Variants in DNAH11 observed in about 807,000 individuals in gnomAD.
DNAH11 encodes axonemal beta dynein heavy chain 11.
A neutral mutation model predicts 526.0 loss-of-function variants in DNAH11; 442 were observed. That is an observed-to-expected ratio of 0.84 (90% CI 0.78 to 0.91). DNAH11 has a LOEUF of 0.91. Ranked by LOEUF, DNAH11 falls within the 40% of genes least tolerant of loss-of-function variation. The probability of loss-of-function intolerance (pLI) is 0.00; values close to 1 mark genes in which losing one functional copy is unlikely to be tolerated. For missense variants in DNAH11, 6,989 were observed against 5,448.7 expected (o/e 1.28, Z -8.90); for synonymous variants, 2,461 against 1,935.9 (o/e 1.27, Z -7.12).
At chr7:21,610,470 G>T (rs566002429) in intron 20 of DNAH11, among the ~76,000 whole-genome samples, 2 of 152,182 alleles carry the variant, frequency 1.3e-5, no homozygotes, top group South Asian at 2.1e-4. Flanking sequence ...TCTTTAGGGG[G>T]TCCAACAGAT....
At chr7:21,615,340 C>A in intron 21 of DNAH11, 68 bp downstream of exon 21, 2 of 1,530,636 alleles carry the variant, frequency 1.3e-6, no homozygotes, top group Admixed American at 2.0e-5. Context: ...TTTGTGGAGC[C>A]TATATTATTC....
chr7:21,707,928 T>TA (rs1784332550), intron 40 of DNAH11, 93 bp downstream of exon 40: 1 of 1,336,516 alleles, frequency 7.5e-7, no homozygotes. Context: ...GTCGCAGACT[T>TA]ACTGTTTATG....
chr7:21,663,910 C>A (rs139757673), intron 30 of DNAH11, among the ~76,000 whole-genome samples: 38 of 152,086 alleles, frequency 2.5e-4, no homozygotes, highest in African/African-American at 8.7e-4. Flanking sequence ...GTCTCTTCAA[C>A]GTACTGATTT....
At chr7:21,809,911 A>G (rs1036129247) in intron 63 of DNAH11, among the ~76,000 whole-genome samples, 2 of 152,154 alleles carry the variant, frequency 1.3e-5, no homozygotes, top group Non-Finnish European at 2.9e-5. Flanking sequence ...AGTTTTTCTT[A>G]TTTTAGTGAT....
intron 24 of DNAH11, 84 bp downstream of exon 24, chr7:21,619,306 A>G: frequency 6.7e-7 from 1 of 1,486,498 alleles, no homozygotes; most frequent in Non-Finnish European, 9.1e-7. Context: ...AGTCCTTTTG[A>G]TGTCCTGGGA....
intron 68 of DNAH11, among the ~76,000 whole-genome samples, chr7:21,856,590 G>A (rs1451952040): frequency 6.6e-6 from 1 of 152,124 alleles, no homozygotes; most frequent in African/African-American, 2.4e-5. Flanking sequence ...TCCAGAAAAT[G>A]TTGGCAAATT....
intron 2 of DNAH11, among the ~76,000 whole-genome samples, chr7:21,553,184 G>T (rs116212381): frequency 0.056 from 8,221 of 147,172 alleles, 256 homozygotes; most frequent in Non-Finnish European, 0.071. Context: ...CAAACAAGGT[G>T]ATTAATTTTC....
chr7:21,601,994 C>T (rs968132596), intron 18 of DNAH11, among the ~76,000 whole-genome samples: 2 of 151,796 alleles, frequency 1.3e-5, no homozygotes, highest in East Asian at 3.9e-4. Context: ...AAAAAACTAC[C>T]TGTCAGTCAA....
rs570545890 is a variant in DNAH11 at position 21,868,776 on chromosome 7, C to T, written c.11840-88C>T. ...TCACTCAGAAGATGGCTGCGGTGACCACAGATGTGCATTAGACCACAGAAT... is the reference window on the plus strand; with the variant it reads ...TCACTCAGAAGATGGCTGCGGTGACTACAGATGTGCATTAGACCACAGAAT... On this transcript the variant is annotated intron_variant, in intron 72 of 81. Transcript: ENST00000409508. 13 of 1,531,308 alleles carry T rather than the reference C, an allele frequency of 8.5e-6. No homozygotes were observed. In the Admixed American group the frequency reaches 2.4e-4, roughly 28 times the overall value. The allele number at this position is 1,531,308 out of a possible 1,614,324, so 94.9% of individuals were successfully genotyped here. A position where few individuals can be genotyped will look rare whatever the true frequency, so the allele number is the denominator to read the frequency against.
At position 21,885,169 on chromosome 7, in the gene DNAH11, T is replaced by TGTAAAAAAAAAAAAAAAAAAAAA. The variant is rs367811733; in HGVS notation, c.12507+759_12507+760insGTAAAAAAAAAAAAAAAAAAAAA. 2.2e-5 allele frequency among the ~76,000 whole-genome samples: 2 copies of TGTAAAAAAAAAAAAAAAAAAAAA among 89,384 alleles called. 1 individual carries two copies. 58.6% of individuals were successfully genotyped at this position (89,384 alleles called of 152,430 possible). Reference sequence around the variant, plus strand: ...TATTTGGATCTTGTTCCAAATGAACTATAAAAAAAAAAAAAAAAACACACA... The same window carrying TGTAAAAAAAAAAAAAAAAAAAAA: ...TATTTGGATCTTGTTCCAAATGAACTGTAAAAAAAAAAAAAAAAAAAAAATAAAAAAAAAAAAAAAAACACACA... On this transcript the variant is annotated intron_variant, in intron 76 of 81. Transcript: ENST00000409508.
chr7:21,641,799 C>T (rs563354955), intron 28 of DNAH11, among the ~76,000 whole-genome samples: 2 of 152,348 alleles, frequency 1.3e-5, no homozygotes, highest in South Asian at 4.1e-4. Flanking sequence ...TCACCTACCC[C>T]ATTCATAGCA....
chr7:21,865,910 C>A (rs1030312712), intron 70 of DNAH11, among the ~76,000 whole-genome samples: 1 of 152,172 alleles, frequency 6.6e-6, no homozygotes, highest in African/African-American at 2.4e-5. Flanking sequence ...AACTTCCTGA[C>A]GTTACCATGG....
chr7:21,773,303 CA>C (rs1165625850), intron 55 of DNAH11, among the ~76,000 whole-genome samples: 1 of 148,860 alleles, frequency 6.7e-6, no homozygotes, highest in African/African-American at 2.5e-5. Context: ...TTTGTTTTTA[CA>C]TGAGTTCTCA....
rs745519889 is a variant in DNAH11 at position 21,658,897 on chromosome 7, C to G, written c.5194C>G (p.Leu1732Val). 3.7e-6 allele frequency: 6 copies of G among 1,610,060 alleles called. No individual in the cohort carries two copies. In the East Asian group the frequency reaches 6.7e-5, roughly 18 times the overall value. Residue 1732 changes from leucine (L) to valine (V), a missense_variant, in exon 30 of 82, where the codon CTG (leucine) becomes GTG (valine). Transcript: ENST00000409508. ...GGCCTACGAGGAAAAACCTAGGGAA[C>G]TGTGGATTTTTGATTTCCCAGCTCA... ...IVAYEEKPRE[L>V]WIFDFPAQVA...
intron 57 of DNAH11, among the ~76,000 whole-genome samples, chr7:21,780,565 A>G (rs528448894): frequency 1.3e-5 from 2 of 151,978 alleles, no homozygotes; most frequent in African/African-American, 4.8e-5. Context: ...CTTAAAATAT[A>G]AATACTCTAG....
intron 79 of DNAH11, among the ~76,000 whole-genome samples, chr7:21,898,392 A>G (rs1583824726): frequency 6.6e-6 from 1 of 152,196 alleles, no homozygotes; most frequent in Non-Finnish European, 1.5e-5. Flanking sequence ...CACGGCCCAG[A>G]GTCAGGCAAG....
chr7:21,797,487 G>C (rs2127991820), intron 61 of DNAH11, among the ~76,000 whole-genome samples: 1 of 149,318 alleles, frequency 6.7e-6, no homozygotes. Flanking sequence ...CCAAAATGCT[G>C]GGATTAGAGG....
At chr7:21,633,995 C>G (rs1380293400) in intron 25 of DNAH11, among the ~76,000 whole-genome samples, 1 of 152,130 alleles carries the variant, frequency 6.6e-6, no homozygotes, top group Non-Finnish European at 1.5e-5. Flanking sequence ...AGTCTGAGCA[C>G]ATGATACATG....
chr7:21,679,535 C>A (rs1043256999), intron 30 of DNAH11, among the ~76,000 whole-genome samples: 3 of 152,240 alleles, frequency 2.0e-5, no homozygotes, highest in South Asian at 2.1e-4. Context: ...CTCAATAAAG[C>A]CCAGGGGGTG....
Sources: allele counts gnomAD v4.1 joint callset (sites outside exome capture counted in the v4.1 genomes callset), GRCh38; gene constraint gnomAD v4.1.1; transcripts MANE v1.5; gene names NCBI Gene and HGNC (gene_info 2026-07-23, HGNC 2026-07-21).